Variants in ZNF804A observed in about 807,000 individuals in gnomAD.
ZNF804A encodes zinc finger protein 804A.
Under a neutral mutation model 16.5 loss-of-function variants are expected in ZNF804A, and 2 were observed. The ratio of observed to expected loss-of-function variants is 0.12; its 90% CI spans 0.05 to 0.38. The LOEUF (loss-of-function observed/expected upper bound fraction) is 0.38, where lower values mean the gene tolerates loss of function less well. ZNF804A is among the 10% of genes least tolerant of loss of function. The probability of loss-of-function intolerance (pLI) is 0.99; values close to 1 mark genes in which losing one functional copy is unlikely to be tolerated. For missense variants in ZNF804A, 1,473 were observed against 1,390.7 expected, an observed-to-expected ratio of 1.06 and a Z score of -0.94; for synonymous variants, 534 against 489.6, an observed-to-expected ratio of 1.09 and a Z score of -1.20.
chr2:184,658,337 G>A (rs542402801), intron 1 of ZNF804A, among the ~76,000 whole-genome samples: 18 of 152,230 alleles, frequency 1.2e-4, no homozygotes, highest in East Asian at 5.8e-4. Context: ...TTAGCTGGGC[G>A]TGGTGGCAGA....
rs545810615 is a variant in ZNF804A, at chr2:184,671,646, A to T, written c.111+72576A>T. On this transcript the variant is annotated intron_variant, in intron 1 of 3. Transcript: ENST00000302277. Reference sequence around the variant, plus strand: ...ACTTTGGTAATTAGTCCCTTTATTAAACTTGATATTGATTGAATAAAGTTG... The same window carrying T: ...ACTTTGGTAATTAGTCCCTTTATTATACTTGATATTGATTGAATAAAGTTG... Among the ~76,000 whole-genome samples the T allele has an allele frequency of 1.7e-4, 26 of 152,274 alleles. No homozygotes were observed. In the South Asian group the frequency reaches 5.4e-3, roughly 32 times the overall value.
In ZNF804A at chr2:184,868,295, G is replaced by T. The variant is rs73043278; in HGVS notation, c.255+1783G>T. On this transcript the variant is annotated intron_variant, in intron 2 of 3. Coordinates refer to ENST00000302277, the MANE Select transcript of ZNF804A (RefSeq NM_194250.2). ...CTATAGAATCTTTTATGCCTTCCCCGTAAGATAATAGTGCGTCTTTGAGCG... is the reference window on the plus strand; with the variant it reads ...CTATAGAATCTTTTATGCCTTCCCCTTAAGATAATAGTGCGTCTTTGAGCG... Among the ~76,000 whole-genome samples, 769 of 152,084 alleles carry T rather than the reference G, an allele frequency of 5.1e-3. 3 individuals are homozygous for T. Among genetic ancestry groups the T allele is most frequent in the African/African-American group, 0.017 (697 of 41,528 alleles).
chr2:184,665,687 G>C (rs917816106), intron 1 of ZNF804A, among the ~76,000 whole-genome samples: 2 of 152,184 alleles, frequency 1.3e-5, no homozygotes, highest in Non-Finnish European at 2.9e-5. Context: ...ATCTCATTTA[G>C]TTTGTTGGCT....
At chr2:184,612,763 A>G (rs1399029523) in intron 1 of ZNF804A, among the ~76,000 whole-genome samples, 1 of 152,188 alleles carries the variant, frequency 6.6e-6, no homozygotes. Context: ...TTACTCAAAA[A>G]CACACAAAGC....
In ZNF804A at chr2:184,936,677, T is replaced by C; in HGVS notation, c.1281T>C (p.Pro427=). 1 of 1,613,892 alleles carries C rather than the reference T, an allele frequency of 6.2e-7. No individual in the cohort carries two copies. The highest frequency in any genetic ancestry group is 8.5e-7 in the Non-Finnish European group (1 of 1,179,904). The change falls in exon 4 of 4, where the codon CCT becomes CCC. Residue 427 remains proline, a synonymous_variant. Transcript: ENST00000302277. ...AAAGACAATGTGAGCCATTTGTACC[T>C]GTCCTTAACAAACACAGATCTACAG... ...FCKRQCEPFV[P]VLNKHRSTVL... is the part of the protein sequence containing the mutation.
At chr2:184,608,472 G>A (rs1691185856) in intron 1 of ZNF804A, among the ~76,000 whole-genome samples, 1 of 152,136 alleles carries the variant, frequency 6.6e-6, no homozygotes, top group African/African-American at 2.4e-5. Flanking sequence ...CCTCATAATG[G>A]CTGGCAGAGG....
At chr2:184,818,076 TAAG>T (rs952381856) in intron 1 of ZNF804A, among the ~76,000 whole-genome samples, 18 of 151,528 alleles carry the variant, frequency 1.2e-4, no homozygotes, top group African/African-American at 3.4e-4. Flanking sequence ...AGATACAACA[TAAG>T]AAGATCAACC....
At chr2:184,649,424 C>T (rs1397290799) in intron 1 of ZNF804A, among the ~76,000 whole-genome samples, 2 of 151,908 alleles carry the variant, frequency 1.3e-5, no homozygotes, top group Admixed American at 6.6e-5. Flanking sequence ...AAAGAAATAA[C>T]TAAAATCAGA....
chr2:184,696,110 C>A lies in ZNF804A; in HGVS notation c.111+97040C>A, dbSNP rs559153380. 5.3e-5 allele frequency among the ~76,000 whole-genome samples: 8 copies of A among 152,116 alleles called. No individual in the cohort carries two copies. The East Asian group carries it at 9.6e-4, about 18-fold the overall frequency. On this transcript the variant is annotated intron_variant, in intron 1 of 3. Coordinates refer to ENST00000302277, the MANE Select transcript of ZNF804A (RefSeq NM_194250.2). ...ATTTCGGAGACACTGCAGCTCTTAGCGGAATATGATACATACAGGAGCCTC... is the reference window on the plus strand; with the variant it reads ...ATTTCGGAGACACTGCAGCTCTTAGAGGAATATGATACATACAGGAGCCTC...
At chr2:184,707,044 C>A (rs1693042409) in intron 1 of ZNF804A, among the ~76,000 whole-genome samples, 1 of 152,126 alleles carries the variant, frequency 6.6e-6, no homozygotes, top group Non-Finnish European at 1.5e-5. Context: ...ACTTCATAGG[C>A]ATAAAGAGAT....
chr2:184,600,212 A>G (rs1296442023), intron 1 of ZNF804A, among the ~76,000 whole-genome samples: 23 of 152,132 alleles, frequency 1.5e-4, no homozygotes, highest in Non-Finnish European at 1.5e-5. Flanking sequence ...ATGTTTCTTT[A>G]TGAATAAAGA....
rs944108657 is a variant in ZNF804A at position 184,924,264 on chromosome 2, T to C, written c.256-9339T>C. Among the ~76,000 whole-genome samples the C allele has an allele frequency of 1.2e-4, 19 of 152,030 alleles. No individual in the cohort carries two copies. In the East Asian group the frequency reaches 2.9e-3, roughly 23 times the overall value. ...CATCTCGTTACTTGTTACTGGTCTG[T>C]TTGAGTTTTGGAGTTCTTCATGGTT... On this transcript the variant is annotated intron_variant, in intron 2 of 3. Transcript: ENST00000302277.
chr2:184,819,029 G>A (rs563872919), intron 1 of ZNF804A, among the ~76,000 whole-genome samples: 1 of 151,876 alleles, frequency 6.6e-6, no homozygotes, highest in South Asian at 2.1e-4. Flanking sequence ...AAGATATTAA[G>A]GACCTCAACT....
At chr2:184,697,870 T>C (rs1692857594) in intron 1 of ZNF804A, among the ~76,000 whole-genome samples, 1 of 152,078 alleles carries the variant, frequency 6.6e-6, no homozygotes, top group African/African-American at 2.4e-5. Flanking sequence ...GAAGCACAAA[T>C]GTTTCACTGG....
chr2:184,681,287 CA>C (rs1692534885), intron 1 of ZNF804A, among the ~76,000 whole-genome samples: 1 of 151,904 alleles, frequency 6.6e-6, no homozygotes, highest in Admixed American at 6.6e-5. Flanking sequence ...TACACTATGC[CA>C]CAAAAAAAAT....
chr2:184,787,496 C>T (rs905914364), intron 1 of ZNF804A, among the ~76,000 whole-genome samples: 1 of 149,666 alleles, frequency 6.7e-6, no homozygotes, highest in Non-Finnish European at 1.5e-5. Flanking sequence ...ACTCCTCTTT[C>T]TCTGCATACC....
intron 1 of ZNF804A, among the ~76,000 whole-genome samples, chr2:184,712,617 T>C (rs918260574): frequency 2.0e-5 from 3 of 151,826 alleles, no homozygotes; most frequent in Non-Finnish European, 2.9e-5. Flanking sequence ...AATAAGCTTT[T>C]GATTCCTTTC....
chr2:184,754,901 G>C (rs961437836), intron 1 of ZNF804A, among the ~76,000 whole-genome samples: 15 of 151,876 alleles, frequency 9.9e-5, no homozygotes, highest in African/African-American at 3.6e-4. Flanking sequence ...CAGCAGGAGA[G>C]AGAGAGAAGA....
At chr2:184,858,199 T>A (rs1428453231) in intron 1 of ZNF804A, among the ~76,000 whole-genome samples, 2 of 152,006 alleles carry the variant, frequency 1.3e-5, no homozygotes, top group African/African-American at 4.8e-5. Context: ...TGTAAGAGGC[T>A]GCATTAAAAT....
Sources: gnomAD v4.1 joint callset for allele counts (sites outside exome capture counted in the v4.1 genomes callset) on GRCh38, gnomAD v4.1.1 for gene constraint, MANE v1.5 for transcripts, NCBI Gene and HGNC (gene_info 2026-07-23, HGNC 2026-07-21) for gene names.